The following ANKS1B variants were observed in gnomAD, a reference collection of about 807,000 sequenced individuals.
ANKS1B encodes the protein ankyrin repeat and sterile alpha motif domain-containing protein 1B.
In ANKS1B, 36 loss-of-function variants were observed where a neutral mutation model predicts 148.3. That is an observed-to-expected ratio of 0.24 (90% CI 0.19 to 0.32). The LOEUF is 0.32. Ranked by LOEUF, ANKS1B falls within the 10% of genes least tolerant of loss-of-function variation. The probability of loss-of-function intolerance (pLI) is 1.00; values close to 1 mark genes in which losing one functional copy is unlikely to be tolerated. For missense variants in ANKS1B, 1,157 were observed against 1,542.6 expected, an observed-to-expected ratio of 0.75 and a Z score of 4.19; for synonymous variants, 542 against 560.8, an observed-to-expected ratio of 0.97 and a Z score of 0.47.
chr12:99,075,860 T>C (rs1467294518), intron 16 of ANKS1B, among the ~76,000 whole-genome samples: 1 of 148,458 alleles, frequency 6.7e-6, no homozygotes, highest in Non-Finnish European at 1.5e-5. Flanking sequence ...TTATATATAC[T>C]ATACATTTGT....
intron 17 of ANKS1B, among the ~76,000 whole-genome samples, chr12:98,909,200 A>G (rs556798970): frequency 6.6e-6 from 1 of 152,216 alleles, no homozygotes; most frequent in African/African-American, 2.4e-5. Context: ...ATATATATGT[A>G]TATTCTGTTT....
chr12:99,394,133 T>G (rs896338150), intron 12 of ANKS1B, among the ~76,000 whole-genome samples: 1 of 152,150 alleles, frequency 6.6e-6, no homozygotes, highest in Non-Finnish European at 1.5e-5. Flanking sequence ...AACAACTATT[T>G]CACACTGTTC....
At chr12:99,076,759 C>A (rs1254589406) in intron 16 of ANKS1B, among the ~76,000 whole-genome samples, 1 of 152,132 alleles carries the variant, frequency 6.6e-6, no homozygotes, top group Non-Finnish European at 1.5e-5. Flanking sequence ...AGTTCTTAAT[C>A]TAGCTGGATA....
chr12:99,298,965 TCTGG>T (rs1402271645), intron 12 of ANKS1B, among the ~76,000 whole-genome samples: 2 of 152,166 alleles, frequency 1.3e-5, no homozygotes, highest in Non-Finnish European at 2.9e-5. Context: ...TCTCTGTGAA[TCTGG>T]AAACACAAGG....
chr12:99,340,686 C>A (rs73149177), intron 12 of ANKS1B, among the ~76,000 whole-genome samples: 18,806 of 151,918 alleles, frequency 0.12, 1,217 homozygotes, highest in African/African-American at 0.17. Context: ...ATGACCCAAA[C>A]ATTGCTATGT....
At chr12:99,113,835 C>A (rs779062275) in intron 15 of ANKS1B, among the ~76,000 whole-genome samples, 19 of 152,098 alleles carry the variant, frequency 1.2e-4, no homozygotes, top group Admixed American at 4.6e-4. Context: ...CTCTTCTGGC[C>A]AGAGATTTTG....
chr12:99,767,531 C>G (rs1246220974), intron 8 of ANKS1B, among the ~76,000 whole-genome samples: 4 of 151,920 alleles, frequency 2.6e-5, no homozygotes, highest in Non-Finnish European at 4.4e-5. Flanking sequence ...TGTTTATACA[C>G]ATGGAGGAAA....
chr12:99,354,551 A>T (rs1050933519), intron 12 of ANKS1B, among the ~76,000 whole-genome samples: 7 of 152,176 alleles, frequency 4.6e-5, no homozygotes, highest in African/African-American at 1.7e-4. Flanking sequence ...AATAGGAATC[A>T]TTTATCTATT....
chr12:99,678,075 C>T (rs1040075611), intron 8 of ANKS1B, among the ~76,000 whole-genome samples: 4 of 152,144 alleles, frequency 2.6e-5, no homozygotes, highest in Non-Finnish European at 5.9e-5. Context: ...ATGCTCCATT[C>T]ATTACTCTGT....
At chr12:99,761,359 G>C (rs2062097204) in intron 8 of ANKS1B, among the ~76,000 whole-genome samples, 1 of 151,810 alleles carries the variant, frequency 6.6e-6, no homozygotes, top group African/African-American at 2.4e-5. Flanking sequence ...GATGAAGGAG[G>C]CTTTCTCCCT....
intron 2 of ANKS1B, among the ~76,000 whole-genome samples, chr12:99,813,662 T>G (rs571061913): frequency 1.3e-5 from 2 of 151,780 alleles, no homozygotes; most frequent in African/African-American, 4.8e-5. Flanking sequence ...TTTGACTTAA[T>G]TGCTAAATGT....
rs115250134 is a variant in ANKS1B at position 99,169,880 on chromosome 12, A to C, written c.2420-15485T>G. Among the ~76,000 whole-genome samples the C allele has an allele frequency of 9.8e-3, 1,490 of 152,100 alleles. 16 individuals carry two copies. Among genetic ancestry groups the C allele is most frequent in the Non-Finnish European group, 0.015 (1,028 of 68,034 alleles). ...CCAGAGCCTAACTAAGCTTTCAGCC[A>C]CTACTCTATGCCGCTTCTGTGTTCC... On this transcript the variant is annotated intron_variant, in intron 14 of 26. Transcript: ENST00000683438.
intron 1 of ANKS1B, among the ~76,000 whole-genome samples, chr12:99,850,349 G>A (rs2087578970): frequency 7.2e-6 from 1 of 138,390 alleles, no homozygotes; most frequent in Non-Finnish European, 1.5e-5. Flanking sequence ...CCCTGAAGCA[G>A]GCCACAAAGC....
intron 14 of ANKS1B, among the ~76,000 whole-genome samples, chr12:99,205,480 C>T (rs1159940285): frequency 6.6e-6 from 1 of 152,152 alleles, no homozygotes; most frequent in East Asian, 1.9e-4. Context: ...TGGCAACCAA[C>T]AAAGGGACCC....
chr12:99,196,593 TTTG>T (rs1341203211), intron 14 of ANKS1B, among the ~76,000 whole-genome samples: 1 of 151,316 alleles, frequency 6.6e-6, no homozygotes, highest in Non-Finnish European at 1.5e-5. Context: ...TCTGTTTTTT[TTTG>T]TTTGTTTTTG....
intron 10 of ANKS1B, among the ~76,000 whole-genome samples, chr12:99,464,900 T>C (rs1407239583): frequency 6.6e-6 from 1 of 152,064 alleles, no homozygotes; most frequent in Non-Finnish European, 1.5e-5. Flanking sequence ...TTCCCCAATC[T>C]AGCAAGGCAG....
chr12:99,317,881 T>A lies in ANKS1B; in HGVS notation c.1757-71017A>T, dbSNP rs190215017. Among the ~76,000 whole-genome samples the A allele has an allele frequency of 2.2e-3, 328 of 152,316 alleles. 1 individual carries two copies. The highest frequency in any genetic ancestry group is 3.5e-3 in the Admixed American group (53 of 15,310). ...TGAGAGTTTTTAGCATGAAGCGTTG[T>A]TGAATTTTGTCAAAGGCCTTTTCTG... On this transcript the variant is annotated intron_variant, in intron 12 of 26. Transcript: ENST00000683438.
intron 8 of ANKS1B, among the ~76,000 whole-genome samples, chr12:99,674,939 A>G (rs2098555389): frequency 2.0e-5 from 3 of 152,066 alleles, no homozygotes; most frequent in Middle Eastern, 3.4e-3. Flanking sequence ...GGTAAATGAA[A>G]AGCATACAAA....
chr12:99,463,175 T>C (rs754448584), intron 10 of ANKS1B, among the ~76,000 whole-genome samples: 1 of 152,164 alleles, frequency 6.6e-6, no homozygotes, highest in South Asian at 2.1e-4. Flanking sequence ...TACAAATAAA[T>C]GTATAAGCCT....
Sources: gnomAD v4.1 joint callset for allele counts (sites outside exome capture counted in the v4.1 genomes callset) on GRCh38, gnomAD v4.1.1 for gene constraint, MANE v1.5 for transcripts, NCBI Gene and HGNC (gene_info 2026-07-23, HGNC 2026-07-21) for gene names.